FAM210A: variants seen among roughly 807,000 people sequenced by gnomAD.
FAM210A encodes the protein mitochondrial inner membrane scaffold 1.
Under a neutral mutation model 25.3 loss-of-function variants are expected in FAM210A, and 13 were observed. The ratio of observed to expected loss-of-function variants is 0.51; its 90% confidence interval spans 0.33 to 0.82. The LOEUF (loss-of-function observed/expected upper bound fraction) is 0.82. Among genes scored for constraint, FAM210A ranks in the 40% least tolerant of loss-of-function variants. The probability of loss-of-function intolerance (pLI) is 0.02; values close to 1 mark genes in which losing one functional copy is unlikely to be tolerated. For missense variants in FAM210A, 319 were observed against 323.2 expected (o/e 0.99, Z 0.10); for synonymous variants, 125 against 118.7 (o/e 1.05, Z -0.35).
intron 2 of FAM210A, among the ~76,000 whole-genome samples, chr18:13,673,863 G>A (rs1187076442): frequency 1.8e-5 from 1 of 55,576 alleles, no homozygotes; most frequent in Non-Finnish European, 3.2e-5. Context: ...CCTGAGCCCT[G>A]GCTTCTTTAT....
rs140287014 is a variant in FAM210A, at chr18:13,684,619, A to C, written c.-28-2514T>G. On this transcript the variant is annotated intron_variant, in intron 1 of 3. Coordinates refer to ENST00000651643, the MANE Select transcript of FAM210A (RefSeq NM_152352.4). ...AAAGAAATTCACTCTTAGAGACGTC[A>C]ACACTCCGGTCAACAACCTTGATAA... 4.9e-3 allele frequency among the ~76,000 whole-genome samples: 746 copies of C among 152,350 alleles called. 5 individuals carry two copies. Among genetic ancestry groups the C allele is most frequent in the South Asian group, 0.019 (94 of 4,828 alleles).
intron 1 of FAM210A, among the ~76,000 whole-genome samples, chr18:13,686,890 A>G (rs1251105279): frequency 6.6e-6 from 1 of 152,246 alleles, no homozygotes; most frequent in Non-Finnish European, 1.5e-5. Context: ...ACAGAGGCAG[A>G]GAAGACTAAC....
At chr18:13,705,567 G>T (rs971341287) in intron 1 of FAM210A, among the ~76,000 whole-genome samples, 2 of 152,158 alleles carry the variant, frequency 1.3e-5, no homozygotes, top group African/African-American at 4.8e-5. Context: ...TGCCTTCCGG[G>T]TTCAAGCAAT....
Position 13,681,741 on chromosome 18 carries a change from C to A in FAM210A, c.337G>T (p.Asp113Tyr). 6.2e-7 allele frequency: 1 copy of A among 1,614,172 alleles called. No individual in the cohort carries two copies. Among genetic ancestry groups the A allele is most frequent in the Non-Finnish European group, 8.5e-7 (1 of 1,180,028 alleles). ...QGTPEKKEEPDPLQDKSISLY... is the reference protein window; with the variant it reads ...QGTPEKKEEPYPLQDKSISLY... The stretch of plus-strand genomic sequence containing the variant: ...CTAATAGATTTGTCTTGCAAAGGAT[C>A]AGGCTCTTCCTTTTTTTCCGGAGTT... Residue 113 changes from aspartate to tyrosine, a missense_variant, in exon 2 of 4, where the codon GAT (aspartate) becomes TAT (tyrosine). Asp to Tyr is a radical substitution (Grantham distance 160). Coordinates refer to ENST00000651643, the MANE Select transcript of FAM210A (RefSeq NM_152352.4).
rs199972289 is a variant in FAM210A at position 13,701,525 on chromosome 18, CA to C, written c.-28-19421del. Among the ~76,000 whole-genome samples the C allele has an allele frequency of 5.5e-5, 8 of 146,492 alleles. No individual in the cohort carries two copies. The East Asian group carries it at 1.6e-3, about 29-fold the overall frequency. The stretch of plus-strand genomic sequence containing the variant: ...TTTTTCTTGTGTGTTTAAGTAGGGG[CA>C]AAAAAAAATCATTGGCTAAGTTAAT... On this transcript the variant is annotated intron_variant, in intron 1 of 3. Coordinates refer to ENST00000651643, the MANE Select transcript of FAM210A (RefSeq NM_152352.4).
chr18:13,678,759 C>T lies in FAM210A; in HGVS notation c.473+2846G>A, dbSNP rs1433080070. ...CAGCCAGGAATCTGTGCTTCTCAAA[C>T]TGCCAGCTTTACAACTGTTTCCACA... On this transcript the variant is annotated intron_variant, in intron 2 of 3. Transcript: ENST00000651643. 2.0e-5 allele frequency among the ~76,000 whole-genome samples: 3 copies of T among 152,236 alleles called. No homozygotes were observed. The East Asian group carries it at 5.8e-4, about 29-fold the overall frequency.
At position 13,726,530 on chromosome 18, in the gene FAM210A, A is replaced by T. The variant is rs1486705900; in HGVS notation, c.-230T>A. 1 of 152,034 alleles carries T rather than the reference A, an allele frequency of 6.6e-6. No homozygotes were observed. Among genetic ancestry groups the T allele is most frequent in the African/African-American group, 2.4e-5 (1 of 41,366 alleles). 9.4% of individuals were successfully genotyped at this position (152,034 alleles called of 1,614,324 possible). ...CGCGCCCACTAGCAACGTGCTCGCG[A>T]CCTCCAGTGCCCGCTCAGTGAAGCT... is the stretch of plus-strand genomic sequence containing the variant. On this transcript the variant is annotated 5_prime_UTR_variant, in exon 1 of 4. Transcript: ENST00000651643.
At position 13,678,283 on chromosome 18, in the gene FAM210A, A is replaced by AT. The variant is rs879517413; in HGVS notation, c.473+3321dup. ...AAAGAAGCAAGCATCTAGTTCCAAT[A>AT]TTTTTTTTTTTTTAGATGGAGTTTC... On this transcript the variant is annotated intron_variant, in intron 2 of 3. Transcript: ENST00000651643. 1.5e-3 allele frequency among the ~76,000 whole-genome samples: 218 copies of AT among 146,176 alleles called. 3 individuals carry two copies. In the East Asian group the frequency reaches 0.023, roughly 16 times the overall value.
chr18:13,681,791 A>G lies in FAM210A; in HGVS notation c.287T>C (p.Phe96Ser). The G allele has an allele frequency of 6.2e-7, 1 of 1,614,220 alleles. No individual in the cohort carries two copies. Among genetic ancestry groups the G allele is most frequent in the East Asian group, 2.2e-5 (1 of 44,892 alleles). Reference protein sequence around the residue: ...GKQHVSFRRVFSSSATAQGTP... With the variant: ...GKQHVSFRRVSSSSATAQGTP... ...TCCCTGAGCTGTGGCACTGGATGAA[A>G]AAACCCTCCTGAATGAAACATGTTG... is the stretch of plus-strand genomic sequence containing the variant. The change falls in exon 2 of 4, where the codon TTT (phenylalanine) becomes TCT (serine). Residue 96 changes from phenylalanine to serine, a missense_variant. Transcript: ENST00000651643.
intron 2 of FAM210A, among the ~76,000 whole-genome samples, chr18:13,672,386 C>CT (rs1490994017): frequency 2.0e-5 from 3 of 152,108 alleles, no homozygotes; most frequent in Admixed American, 6.6e-5. Context: ...AAATTTTTAC[C>CT]TTTAAAATTA....
In FAM210A at chr18:13,699,896, A is replaced by G. The variant is rs147867393; in HGVS notation, c.-28-17791T>C. Among the ~76,000 whole-genome samples, 10 of 152,258 alleles carry G rather than the reference A, an allele frequency of 6.6e-5. No individual in the cohort carries two copies. In the East Asian group the frequency reaches 1.7e-3, roughly 26 times the overall value. On this transcript the variant is annotated intron_variant, in intron 1 of 3. Coordinates refer to ENST00000651643, the MANE Select transcript of FAM210A (RefSeq NM_152352.4). Reference sequence around the variant, plus strand: ...TTCCTTCATCTAAACTTTTGCCATTATTTAATTTGGGTGACCATGCAAAAT... The same window carrying G: ...TTCCTTCATCTAAACTTTTGCCATTGTTTAATTTGGGTGACCATGCAAAAT...
At chr18:13,711,677 A>G (rs1397474210) in intron 1 of FAM210A, among the ~76,000 whole-genome samples, 1 of 152,072 alleles carries the variant, frequency 6.6e-6, no homozygotes, top group African/African-American at 2.4e-5. Flanking sequence ...TTTCTCTTAA[A>G]TCTGAATGCA....
chr18:13,672,116 A>G, intron 2 of FAM210A, 143 bp from the exon 3 acceptor site: 1 of 565,082 alleles, frequency 1.8e-6, no homozygotes, highest in Non-Finnish European at 3.1e-6. Context: ...CTTTACCTTC[A>G]CTCTAAGAGA....
Position 13,666,406 on chromosome 18 carries a change from G to T in FAM210A, c.*74C>A. 8.3e-7 allele frequency: 1 copy of T among 1,204,100 alleles called. No individual in the cohort carries two copies. Among genetic ancestry groups the T allele is most frequent in the Non-Finnish European group, 1.2e-6 (1 of 850,684 alleles). The allele number at this position is 1,204,100 out of a possible 1,614,324, so 74.6% of individuals were successfully genotyped here. A position where few individuals can be genotyped will look rare whatever the true frequency, so the allele number is the denominator to read the frequency against. On this transcript the variant is annotated 3_prime_UTR_variant, in exon 4 of 4. Coordinates refer to ENST00000651643, the MANE Select transcript of FAM210A (RefSeq NM_152352.4). ...CGGCAACTAACCAAAAAAATAATCA[G>T]ACACATGTATCTTTGCCCATAGTTT...
intron 1 of FAM210A, among the ~76,000 whole-genome samples, chr18:13,702,046 G>A (rs899574126): frequency 6.6e-6 from 1 of 152,202 alleles, no homozygotes. Context: ...TTTTACCCGT[G>A]GTTCCACAAA....
chr18:13,713,162 A>C (rs1363577961), intron 1 of FAM210A, among the ~76,000 whole-genome samples: 1 of 152,236 alleles, frequency 6.6e-6, no homozygotes, highest in Non-Finnish European at 1.5e-5. Context: ...ACCAATAAAA[A>C]ATTTAACTTT....
At position 13,665,937 on chromosome 18, in the gene FAM210A, T is replaced by C. The variant is rs1182368781; in HGVS notation, c.*543A>G. Reference sequence around the variant, plus strand: ...ATATGACTGGATCTTTATTCTATTTTCTTCATATAAGATATTTTAACTGGT... The same window carrying C: ...ATATGACTGGATCTTTATTCTATTTCCTTCATATAAGATATTTTAACTGGT... On this transcript the variant is annotated 3_prime_UTR_variant, in exon 4 of 4. Transcript: ENST00000651643. 6.5e-6 allele frequency: 1 copy of C among 153,024 alleles called. No homozygotes were observed. The highest frequency in any genetic ancestry group is 2.4e-5 in the African/African-American group (1 of 41,460). The allele number at this position is 153,024 out of a possible 1,614,324, so 9.5% of individuals were successfully genotyped here. A position where few individuals can be genotyped will look rare whatever the true frequency, so the allele number is the denominator to read the frequency against.
intron 2 of FAM210A, among the ~76,000 whole-genome samples, chr18:13,680,051 T>C (rs1434770209): frequency 6.6e-6 from 1 of 152,204 alleles, no homozygotes; most frequent in East Asian, 1.9e-4. Context: ...GCCGAATGCC[T>C]TGCCTTATCA....
chr18:13,689,626 G>A (rs2043625779), intron 1 of FAM210A, among the ~76,000 whole-genome samples: 1 of 152,108 alleles, frequency 6.6e-6, no homozygotes, highest in East Asian at 1.9e-4. Flanking sequence ...TACTGCCACC[G>A]TGATTCAACA....
Sources: gnomAD v4.1 joint callset for allele counts (sites outside exome capture counted in the v4.1 genomes callset) on GRCh38, gnomAD v4.1.1 for gene constraint, MANE v1.5 for transcripts, NCBI Gene and HGNC (gene_info 2026-07-23, HGNC 2026-07-21) for gene names.